ASCC3: variants seen among roughly 807,000 people sequenced by gnomAD.
The protein encoded by ASCC3 is ASC-1 complex subunit P200.
ASCC3 carries 158 observed loss-of-function variants against 256.3 expected under a neutral mutation model. The ratio of observed to expected loss-of-function variants is 0.62; its 90% CI spans 0.54 to 0.70. ASCC3 has a LOEUF of 0.70. Ranked by LOEUF, ASCC3 falls within the 30% of genes least tolerant of loss-of-function variation. ASCC3 has a pLI of 0.00. For missense variants in ASCC3, 2,259 were observed against 2,626.0 expected (o/e 0.86, Z 3.05); for synonymous variants, 948 against 883.4 (o/e 1.07, Z -1.30).
chr6:100,514,345 G>T (rs1773917457), intron 39 of ASCC3, among the ~76,000 whole-genome samples: 1 of 152,040 alleles, frequency 6.6e-6, no homozygotes, highest in South Asian at 2.1e-4. Context: ...GGGTTAAGGG[G>T]ACTTAAAAAC....
At chr6:100,640,118 A>G (rs1399602033) in intron 24 of ASCC3, among the ~76,000 whole-genome samples, 2 of 152,148 alleles carry the variant, frequency 1.3e-5, no homozygotes, top group Non-Finnish European at 2.9e-5. Context: ...CTGTCTCACA[A>G]ATAAAATAAA....
chr6:100,836,540 T>C (rs34716527), intron 4 of ASCC3, among the ~76,000 whole-genome samples: 52,735 of 152,000 alleles, frequency 0.35, 10,727 homozygotes, highest in Middle Eastern at 0.49. Flanking sequence ...TGATATATTA[T>C]GTTTATTTAT....
rs147952258 is a variant in ASCC3 at position 100,601,287 on chromosome 6, T to G, written c.5303+523A>C. On this transcript the variant is annotated intron_variant, in intron 34 of 41. Coordinates refer to ENST00000369162, the MANE Select transcript of ASCC3 (RefSeq NM_006828.4). ...TCAGCCCTTAAAAAACAGGGAGTCA[T>G]GTACTCATTTTTACATCTCAGTGTT... Among the ~76,000 whole-genome samples, 25 of 152,254 alleles carry G rather than the reference T, an allele frequency of 1.6e-4. No homozygotes were observed. In the East Asian group the frequency reaches 4.6e-3, roughly 28 times the overall value.
intron 37 of ASCC3, 59 bp from the exon 38 acceptor site, chr6:100,518,201 T>C (rs1328403977): frequency 4.4e-6 from 7 of 1,580,572 alleles, no homozygotes; most frequent in Non-Finnish European, 6.1e-6. Context: ...CCCCCTCCAC[T>C]GGGATTCTGA....
chr6:100,855,527 GC>G (rs1772902452), intron 3 of ASCC3, among the ~76,000 whole-genome samples: 2 of 152,122 alleles, frequency 1.3e-5, no homozygotes, highest in African/African-American at 2.4e-5. Flanking sequence ...AAGTTATCCA[GC>G]TTTTTAAAAT....
intron 22 of ASCC3, 80 bp downstream of exon 22, chr6:100,646,535 A>G (rs946047088): frequency 2.1e-6 from 3 of 1,408,624 alleles, no homozygotes; most frequent in Non-Finnish European, 3.0e-6. Flanking sequence ...GATTTTCTAT[A>G]TGCCTTAGGA....
At chr6:100,535,212 G>C (rs1208980245) in intron 37 of ASCC3, among the ~76,000 whole-genome samples, 8 of 152,122 alleles carry the variant, frequency 5.3e-5, no homozygotes, top group Non-Finnish European at 1.0e-4. Context: ...TGTCCCATGA[G>C]AGAGGTAGTA....
chr6:100,676,540 T>C (rs1777016368), intron 14 of ASCC3, among the ~76,000 whole-genome samples: 1 of 152,084 alleles, frequency 6.6e-6, no homozygotes, highest in East Asian at 1.9e-4. Context: ...AGACTTTCCT[T>C]TCCTTTCCCT....
chr6:100,597,699 G>A (rs1259846138), intron 34 of ASCC3, among the ~76,000 whole-genome samples: 9 of 151,586 alleles, frequency 5.9e-5, no homozygotes, highest in Non-Finnish European at 1.0e-4. Context: ...TGGGCCAGGC[G>A]TGGTGGCTTA....
In ASCC3 at chr6:100,509,023, GT is replaced by G. The variant is rs1363610018; in HGVS notation, c.*362del. The G allele has an allele frequency of 3.4e-6, 1 of 289,956 alleles. No homozygotes were observed. The highest frequency in any genetic ancestry group is 2.2e-5 in the African/African-American group (1 of 45,238). The allele number at this position is 289,956 out of a possible 1,614,324, so 18.0% of individuals were successfully genotyped here. A position where few individuals can be genotyped will look rare whatever the true frequency, so the allele number is the denominator to read the frequency against. On this transcript the variant is annotated 3_prime_UTR_variant, in exon 42 of 42. Transcript: ENST00000369162. ...CTAACACTTGTCACATCTCAATGTG[GT>G]TTTCCTTAAAAAAAGCAGCCAATAT... is the stretch of plus-strand genomic sequence containing the variant.
chr6:100,532,335 C>CGTGTGT (rs3073701), intron 37 of ASCC3, among the ~76,000 whole-genome samples: 3,613 of 98,490 alleles, frequency 0.037, 132 homozygotes, highest in East Asian at 0.17. Context: ...TGCTATCTTG[C>CGTGTGT]GTGTGTGTGT....
chr6:100,568,898 C>T (rs1334545591), intron 36 of ASCC3, among the ~76,000 whole-genome samples: 1 of 151,734 alleles, frequency 6.6e-6, no homozygotes, highest in African/African-American at 2.4e-5. Flanking sequence ...CTGCCTCAGC[C>T]TCCCGAGTAA....
intron 26 of ASCC3, among the ~76,000 whole-genome samples, chr6:100,630,800 A>G (rs1365279332): frequency 6.6e-6 from 1 of 152,066 alleles, no homozygotes; most frequent in Admixed American, 6.5e-5. Context: ...GCAAAATACG[A>G]AAAAAATAGA....
chr6:100,614,932 C>G (rs1488536652), intron 30 of ASCC3, among the ~76,000 whole-genome samples: 1 of 152,040 alleles, frequency 6.6e-6, no homozygotes, highest in African/African-American at 2.4e-5. Context: ...CCTTTTTCAA[C>G]TATCTTCATG....
intron 4 of ASCC3, among the ~76,000 whole-genome samples, chr6:100,833,850 G>A (rs1053846011): frequency 1.3e-5 from 2 of 152,120 alleles, no homozygotes; most frequent in Non-Finnish European, 2.9e-5. Context: ...GACCCAGGAG[G>A]GTGGATCACT....
At chr6:100,616,173 T>C (rs1249552396) in intron 30 of ASCC3, among the ~76,000 whole-genome samples, 2 of 152,166 alleles carry the variant, frequency 1.3e-5, no homozygotes, top group East Asian at 3.9e-4. Flanking sequence ...AAAATGTCAT[T>C]AGAATCTCCA....
chr6:100,540,802 A>G (rs1775420204), intron 36 of ASCC3, among the ~76,000 whole-genome samples: 1 of 152,176 alleles, frequency 6.6e-6, no homozygotes, highest in Admixed American at 6.5e-5. Context: ...AGGGTGAGGG[A>G]AAGCTTTCTG....
At chr6:100,622,020 T>G (rs1392674053) in intron 30 of ASCC3, among the ~76,000 whole-genome samples, 1 of 152,080 alleles carries the variant, frequency 6.6e-6, no homozygotes, top group African/African-American at 2.4e-5. Context: ...TTCTCACTTA[T>G]AAGTGGGAGC....
intron 36 of ASCC3, among the ~76,000 whole-genome samples, chr6:100,569,871 G>T (rs1770496635): frequency 6.6e-6 from 1 of 152,068 alleles, no homozygotes; most frequent in Non-Finnish European, 1.5e-5. Context: ...ATTGCTTTGG[G>T]TCATATGGCT....
Sources: allele counts gnomAD v4.1 joint callset (sites outside exome capture counted in the v4.1 genomes callset), GRCh38; gene constraint gnomAD v4.1.1; transcripts MANE v1.5; gene names NCBI Gene and HGNC (gene_info 2026-07-23, HGNC 2026-07-21).